The following COG2 variants were observed in gnomAD, a reference collection of about 807,000 sequenced individuals.
The protein encoded by COG2 is component of oligomeric golgi complex 2, also known as conserved oligomeric Golgi complex subunit 2.
In COG2, 52 loss-of-function variants were observed where a neutral mutation model predicts 90.6. The observed-to-expected ratio is 0.57, with a 90% confidence interval of 0.46 to 0.72. COG2 has a LOEUF of 0.72. COG2 is among the 30% of genes least tolerant of loss of function. The pLI is 0.00. For missense variants in COG2, 829 were observed against 891.2 expected (o/e 0.93, Z 0.89); for synonymous variants, 337 against 320.4 (o/e 1.05, Z -0.55).
At chr1:230,677,380 G>A (rs1662625257) in intron 9 of COG2, among the ~76,000 whole-genome samples, 1 of 152,124 alleles carries the variant, frequency 6.6e-6, no homozygotes, top group Non-Finnish European at 1.5e-5. Context: ...ACAGCCTGGG[G>A]CCCAGCAGGT....
At chr1:230,657,165 A>G (rs530212020) in intron 1 of COG2, among the ~76,000 whole-genome samples, 6 of 150,956 alleles carry the variant, frequency 4.0e-5, no homozygotes, top group East Asian at 2.0e-4. Flanking sequence ...CATAGTGTCA[A>G]TGGTCTTTAC....
In COG2 at chr1:230,686,926, C is replaced by T; in HGVS notation, c.1381-9C>T. The T allele has an allele frequency of 6.7e-7, 1 of 1,497,048 alleles. No homozygotes were observed. The highest frequency in any genetic ancestry group is 9.0e-7 in the Non-Finnish European group (1 of 1,116,082). The allele number at this position is 1,497,048 out of a possible 1,614,324, so 92.7% of individuals were successfully genotyped here. Reference sequence around the variant, plus strand: ...GTGAAAGTAGTTAATCAGTGAAATCCTTTTTCAGCTTTCACTCAGGCCCAT... The same window carrying T: ...GTGAAAGTAGTTAATCAGTGAAATCTTTTTTCAGCTTTCACTCAGGCCCAT... On this transcript the variant is annotated splice_polypyrimidine_tract_variant and intron_variant, in intron 12 of 17. Coordinates refer to ENST00000366669, the MANE Select transcript of COG2 (RefSeq NM_007357.3).
At position 230,647,630 on chromosome 1, in the gene COG2, G is replaced by T. The variant is rs74913215; in HGVS notation, c.72+4952G>T. Among the ~76,000 whole-genome samples the T allele has an allele frequency of 6.6e-5, 10 of 152,070 alleles. No individual in the cohort carries two copies. The East Asian group carries it at 1.9e-3, about 29-fold the overall frequency. Reference sequence around the variant, plus strand: ...AACTTACAGTTGCCCCTCAGTATCCGCAGAGGATTGATTCCAGGACACCTC... The same window carrying T: ...AACTTACAGTTGCCCCTCAGTATCCTCAGAGGATTGATTCCAGGACACCTC... On this transcript the variant is annotated intron_variant, in intron 1 of 17. Coordinates refer to ENST00000366669, the MANE Select transcript of COG2 (RefSeq NM_007357.3).
At chr1:230,668,569 G>T in intron 5 of COG2, 107 bp from the exon 6 acceptor site, 1 of 672,758 alleles carries the variant, frequency 1.5e-6, no homozygotes, top group Non-Finnish European at 2.5e-6. Flanking sequence ...TCTGACAAAA[G>T]TCAAAATACA....
intron 1 of COG2, among the ~76,000 whole-genome samples, chr1:230,649,171 G>A (rs1198978111): frequency 6.6e-6 from 1 of 152,158 alleles, no homozygotes; most frequent in Non-Finnish European, 1.5e-5. Flanking sequence ...AATATCATCT[G>A]TCCATAGATG....
At chr1:230,675,728 C>T (rs775881372) in intron 9 of COG2, among the ~76,000 whole-genome samples, 4 of 152,066 alleles carry the variant, frequency 2.6e-5, no homozygotes, top group African/African-American at 7.2e-5. Context: ...CTGCAGTCTT[C>T]GACTCCTGGA....
At position 230,669,423 on chromosome 1, in the gene COG2, C is replaced by G; in HGVS notation, c.662C>G (p.Thr221Arg). 5.6e-6 allele frequency: 9 copies of G among 1,614,060 alleles called. No individual in the cohort carries two copies. Among genetic ancestry groups the G allele is most frequent in the Non-Finnish European group, 7.6e-6 (9 of 1,179,958 alleles). The change falls in exon 7 of 18, where the codon ACG becomes AGG. Residue 221 changes from threonine (T) to arginine (R), a missense_variant. Physicochemically the swap from Thr to Arg is moderately conservative, Grantham distance 71. Coordinates refer to ENST00000366669, the MANE Select transcript of COG2 (RefSeq NM_007357.3). ...GGTCTCCTATTAGAAGGCCTTCAGA[C>G]GTCTGACGTCGATATAATACGGCAC... is the stretch of plus-strand genomic sequence containing the variant. ...LEGLLLEGLQ[T>R]SDVDIIRHCL...
Position 230,690,051 on chromosome 1 carries a change from C to T in COG2, c.1832C>T (p.Ala611Val). The stretch of plus-strand genomic sequence containing the variant: ...ACAGCTTCCTCCTATGTGGACAGTG[C>T]TCTGAAGCCCTTATTCCAGCTTCAG... ...PTTASSYVDS[A>V]LKPLFQLQSG... is the part of the protein sequence containing the mutation. Residue 611 changes from alanine to valine, a missense_variant, in exon 16 of 18, where the codon GCT becomes GTT. Physicochemically the swap from Ala to Val is moderately conservative, Grantham distance 64. Coordinates refer to ENST00000366669, the MANE Select transcript of COG2 (RefSeq NM_007357.3). The T allele has an allele frequency of 6.2e-7, 1 of 1,612,882 alleles. No homozygotes were observed. The highest frequency in any genetic ancestry group is 8.5e-7 in the Non-Finnish European group (1 of 1,179,402).
chr1:230,693,319 G>A lies in COG2; in HGVS notation c.2143G>A (p.Asp715Asn), dbSNP rs765096313. 2.5e-6 allele frequency: 4 copies of A among 1,613,448 alleles called. No homozygotes were observed. The South Asian group carries it at 4.4e-5, about 18-fold the overall frequency. The change falls in exon 18 of 18, where the codon GAC (aspartate) becomes AAC (asparagine). Residue 715 changes from aspartate (D) to asparagine (N), a missense_variant. Physicochemically the swap from Asp to Asn is conservative, Grantham distance 23. Transcript: ENST00000366669. Reference sequence around the variant, plus strand: ...ACAAAAGTTGGGACTACAAGCAAGTGACATAAAAAGCTTCTCAGCTCTCGC... The same window carrying A: ...ACAAAAGTTGGGACTACAAGCAAGTAACATAAAAAGCTTCTCAGCTCTCGC... ...QIQKLGLQAS[D>N]IKSFSALAEL...
Position 230,676,822 on chromosome 1 carries a change from C to A in COG2, c.1026+1698C>A, listed in dbSNP as rs576576912. 2.6e-5 allele frequency among the ~76,000 whole-genome samples: 4 copies of A among 152,268 alleles called. No homozygotes were observed. In the East Asian group the frequency reaches 7.7e-4, roughly 29 times the overall value. On this transcript the variant is annotated intron_variant, in intron 9 of 17. Transcript: ENST00000366669. ...CTGGATGTATTAACAGAATTCTCAG[C>A]ACTTTGAGTGTTGTCTTTTGAGTTG...
rs1469975350 is a variant in COG2 at position 230,693,373 on chromosome 1, G to A, written c.2197G>A (p.Ala733Thr). 1 of 1,612,480 alleles carries A rather than the reference G, an allele frequency of 6.2e-7. No homozygotes were observed. Among genetic ancestry groups the A allele is most frequent in the South Asian group, 1.1e-5 (1 of 90,774 alleles). ...GCTTGTTGCTGCTGCCAAGGACCAG[G>A]CAACAGCAGAGCAGCCTTAAGCATC... is the stretch of plus-strand genomic sequence containing the variant. ...AELVAAAKDQ[A>T]TAEQP The change falls in exon 18 of 18, where the codon GCA becomes ACA. Residue 733 changes from alanine to threonine, a missense_variant. Coordinates refer to ENST00000366669, the MANE Select transcript of COG2 (RefSeq NM_007357.3).
intron 1 of COG2, 28 bp downstream of exon 1, chr1:230,642,706 C>G (rs1490236783): frequency 6.2e-7 from 1 of 1,603,944 alleles, no homozygotes; most frequent in Non-Finnish European, 8.5e-7. Context: ...TCCCCGGAGC[C>G]GGGCCATGAG....
intron 9 of COG2, chr1:230,678,150 G>A: frequency 1.0e-6 from 1 of 985,378 alleles, no homozygotes. Flanking sequence ...TTAGAGCCTG[G>A]GGGCTTCGGG....
At chr1:230,662,029 C>G (rs576629927) in intron 3 of COG2, among the ~76,000 whole-genome samples, 3 of 151,866 alleles carry the variant, frequency 2.0e-5, no homozygotes, top group Non-Finnish European at 4.4e-5. Context: ...GCCCTCTCCT[C>G]TCCCTCCTCT....
intron 17 of COG2, 124 bp downstream of exon 17, chr1:230,691,688 G>A: frequency 1.1e-6 from 1 of 877,736 alleles, no homozygotes; most frequent in Non-Finnish European, 1.7e-6. Flanking sequence ...TGCTTCCTGT[G>A]TTAAGACTAG....
At chr1:230,667,935 G>A (rs1662358725) in intron 5 of COG2, among the ~76,000 whole-genome samples, 1 of 152,036 alleles carries the variant, frequency 6.6e-6, no homozygotes, top group Non-Finnish European at 1.5e-5. Context: ...TGTTTGGGGG[G>A]AAAAAGTGCA....
chr1:230,677,812 C>A (rs772643945), intron 9 of COG2, among the ~76,000 whole-genome samples: 22 of 152,296 alleles, frequency 1.4e-4, no homozygotes, highest in Non-Finnish European at 2.6e-4. Context: ...TCCAGAAATA[C>A]TTTCAGCTTT....
intron 10 of COG2, chr1:230,682,180 C>T (rs916243752): frequency 6.6e-6 from 1 of 152,166 alleles, no homozygotes; most frequent in African/African-American, 2.4e-5. Flanking sequence ...CTGATATAAA[C>T]AGTGCTGTGC....
At chr1:230,679,095 A>C (rs1291265524) in intron 10 of COG2, 43 bp downstream of exon 10, 2 of 1,563,540 alleles carry the variant, frequency 1.3e-6, no homozygotes, top group Non-Finnish European at 8.7e-7. Flanking sequence ...CCCTTCTAAA[A>C]CAGAATTGGA....
Sources: gnomAD v4.1 joint callset for allele counts (sites outside exome capture counted in the v4.1 genomes callset) on GRCh38, gnomAD v4.1.1 for gene constraint, MANE v1.5 for transcripts, NCBI Gene and HGNC (gene_info 2026-07-23, HGNC 2026-07-21) for gene names.